The following C12orf42 variants were observed in gnomAD, a reference collection of about 807,000 sequenced individuals.
The protein encoded by C12orf42 is chromosome 12 open reading frame 42.
A neutral mutation model predicts 21.6 loss-of-function variants in C12orf42; 25 were observed. The observed-to-expected ratio is 1.16, with a 90% confidence interval of 0.84 to 1.62. The LOEUF (loss-of-function observed/expected upper bound fraction) is 1.62, where lower values mean the gene tolerates loss of function less well. C12orf42 is among the 40% of genes most tolerant of loss of function. The pLI is 0.00. For synonymous variants in C12orf42, 174 were observed against 175.0 expected, an observed-to-expected ratio of 0.99 and a Z score of 0.05; for missense variants, 483 against 459.3, an observed-to-expected ratio of 1.05 and a Z score of -0.47.
chr12:103,288,367 TAGG>T (rs1389320219), intron 4 of C12orf42, among the ~76,000 whole-genome samples: 1 of 152,090 alleles, frequency 6.6e-6, no homozygotes, highest in Non-Finnish European at 1.5e-5. Context: ...AAACAAAATC[TAGG>T]AGGTGTTGGT....
At chr12:103,096,387 T>C in the C12orf42 span, among the ~76,000 whole-genome samples, 1 of 152,324 alleles carries the variant, frequency 6.6e-6, no homozygotes, top group South Asian at 2.1e-4. Context: ...GCCTATTAAG[T>C]TGTTCGGACC....
intron 3 of C12orf42, among the ~76,000 whole-genome samples, chr12:103,395,735 T>C (rs2047474041): frequency 6.6e-6 from 1 of 152,200 alleles, no homozygotes; most frequent in African/African-American, 2.4e-5. Context: ...TCATTTATAA[T>C]TGATCTCTTT....
chr12:103,232,440 C>T, the C12orf42 span, among the ~76,000 whole-genome samples: 1 of 150,278 alleles, frequency 6.7e-6, no homozygotes, highest in Non-Finnish European at 1.5e-5. Flanking sequence ...TGGGTGCAGT[C>T]TCTCACACCT....
the C12orf42 span, among the ~76,000 whole-genome samples, chr12:103,181,979 G>T: frequency 6.6e-6 from 1 of 152,104 alleles, no homozygotes; most frequent in Non-Finnish European, 1.5e-5. Context: ...TGTTAAGTGT[G>T]GTCATTACTT....
chr12:103,422,833 TA>T (rs75586729), intron 2 of C12orf42, among the ~76,000 whole-genome samples: 1,465 of 134,384 alleles, frequency 0.011, 7 homozygotes, highest in African/African-American at 0.023. Context: ...CTGGGAACAT[TA>T]AAAAAAAAAA....
intron 2 of C12orf42, among the ~76,000 whole-genome samples, chr12:103,453,834 T>C (rs1291254209): frequency 6.6e-6 from 1 of 152,168 alleles, no homozygotes; most frequent in Non-Finnish European, 1.5e-5. Context: ...CACAATGGCT[T>C]ATCTCTTAAA....
In C12orf42 at chr12:103,401,790, C is replaced by G; in HGVS notation, c.79-115G>C. On this transcript the variant is annotated intron_variant, in intron 2 of 5. Coordinates refer to ENST00000548883, the MANE Select transcript of C12orf42 (RefSeq NM_198521.5). The stretch of plus-strand genomic sequence containing the variant: ...AGAAGCTAATTCTTTCAAACAATGG[C>G]TGTTCATTCACTGAGTACCCGATAT... 3 of 955,470 alleles carry G rather than the reference C, an allele frequency of 3.1e-6. No homozygotes were observed. In the South Asian group the frequency reaches 4.5e-5, roughly 14 times the overall value. The allele number at this position is 955,470 out of a possible 1,614,324, so 59.2% of individuals were successfully genotyped here. A position where few individuals can be genotyped will look rare whatever the true frequency, so the allele number is the denominator to read the frequency against.
At chr12:103,226,629 T>C in the C12orf42 span, among the ~76,000 whole-genome samples, 1 of 152,060 alleles carries the variant, frequency 6.6e-6, no homozygotes, top group Non-Finnish European at 1.5e-5. Flanking sequence ...GGAAAGAAAC[T>C]GTAAGCCCGA....
the C12orf42 span, among the ~76,000 whole-genome samples, chr12:103,068,931 CCACATATATATATATATA>C: frequency 2.1e-5 from 1 of 47,048 alleles, no homozygotes; most frequent in Non-Finnish European, 4.2e-5. Flanking sequence ...ATCTCTCTCT[CCACATATATATATATATA>C]TATATATATA....
At chr12:103,067,029 C>T in the C12orf42 span, among the ~76,000 whole-genome samples, 3 of 152,202 alleles carry the variant, frequency 2.0e-5, no homozygotes, top group Non-Finnish European at 4.4e-5. Flanking sequence ...GACCTGGCTA[C>T]GACCACTGCT....
chr12:103,104,072 C>A, the C12orf42 span, among the ~76,000 whole-genome samples: 1 of 152,070 alleles, frequency 6.6e-6, no homozygotes, highest in Non-Finnish European at 1.5e-5. Flanking sequence ...TGAATAAATG[C>A]ATTTTAAATG....
chr12:103,139,977 T>A, the C12orf42 span, among the ~76,000 whole-genome samples: 1 of 152,196 alleles, frequency 6.6e-6, no homozygotes, highest in South Asian at 2.1e-4. Flanking sequence ...CTCATTGCTC[T>A]GTAGGTCTCT....
At chr12:103,250,874 CTGTGTGTGTGTGTGTGTGTGCA>C (rs2034265247) in intron 10 of C12orf42, among the ~76,000 whole-genome samples, 1 of 149,418 alleles carries the variant, frequency 6.7e-6, no homozygotes, top group South Asian at 2.1e-4. Flanking sequence ...TCTTTTATCA[CTGTGTGTGTGTGTGTGTGTGCA>C]TGTGTGTGTG....
chr12:103,062,202 T>TTA, the C12orf42 span, among the ~76,000 whole-genome samples: 2 of 151,310 alleles, frequency 1.3e-5, no homozygotes, highest in Non-Finnish European at 3.0e-5. Context: ...CATTATTTAT[T>TTA]TATATATATA....
intron 3 of C12orf42, among the ~76,000 whole-genome samples, chr12:103,401,214 A>G (rs762063682): frequency 9.9e-5 from 15 of 152,202 alleles, no homozygotes; most frequent in Non-Finnish European, 1.8e-4. Context: ...CTAACAGGTC[A>G]ACTTTTTGCC....
chr12:103,528,921 G>C, the C12orf42 span, among the ~76,000 whole-genome samples: 1 of 152,202 alleles, frequency 6.6e-6, no homozygotes, highest in African/African-American at 2.4e-5. Flanking sequence ...CCAAGGCTCA[G>C]AGAATTTCAG....
At chr12:103,541,064 T>G in the C12orf42 span, among the ~76,000 whole-genome samples, 1 of 152,054 alleles carries the variant, frequency 6.6e-6, no homozygotes, top group Non-Finnish European at 1.5e-5. Context: ...CCACTATGCC[T>G]GGCTAATTTT....
At chr12:103,197,312 G>A in the C12orf42 span, among the ~76,000 whole-genome samples, 2 of 152,246 alleles carry the variant, frequency 1.3e-5, no homozygotes, top group Admixed American at 1.3e-4. Context: ...TTCCCTTGGT[G>A]GGGATCTGAG....
chr12:103,147,177 G>A, the C12orf42 span, among the ~76,000 whole-genome samples: 12 of 152,192 alleles, frequency 7.9e-5, no homozygotes, highest in Admixed American at 3.3e-4. Flanking sequence ...CAGACAAGGA[G>A]GCCTATAAAA....
Sources: gnomAD v4.1 joint callset for allele counts (sites outside exome capture counted in the v4.1 genomes callset) on GRCh38, gnomAD v4.1.1 for gene constraint, MANE v1.5 for transcripts, NCBI Gene and HGNC (gene_info 2026-07-23, HGNC 2026-07-21) for gene names.